PLXNA2: variants seen among roughly 807,000 people sequenced by gnomAD.
PLXNA2 encodes the protein plexin-A2.
A neutral mutation model predicts 193.5 loss-of-function variants in PLXNA2; 91 were observed. That is an observed-to-expected ratio of 0.47 (90% CI 0.40 to 0.56). PLXNA2 has a LOEUF of 0.56. Ranked by LOEUF, PLXNA2 falls within the 20% of genes least tolerant of loss-of-function variation. The probability of loss-of-function intolerance (pLI) is 0.00; values close to 1 mark genes in which losing one functional copy is unlikely to be tolerated. For synonymous variants in PLXNA2, 997 were observed against 1,027.3 expected (o/e 0.97, Z 0.56); for missense variants, 1,995 against 2,503.2 (o/e 0.80, Z 4.33).
At chr1:208,099,316 T>C (rs1030413998) in intron 5 of PLXNA2, among the ~76,000 whole-genome samples, 1 of 152,190 alleles carries the variant, frequency 6.6e-6, no homozygotes, top group African/African-American at 2.4e-5. Context: ...AAAATGAAAG[T>C]TCACTCCACA....
intron 26 of PLXNA2, among the ~76,000 whole-genome samples, chr1:208,034,914 A>G (rs1472923783): frequency 3.3e-5 from 5 of 152,248 alleles, no homozygotes; most frequent in Non-Finnish European, 7.3e-5. Flanking sequence ...ATGAATACAA[A>G]TATAAACTAT....
intron 1 of PLXNA2, among the ~76,000 whole-genome samples, chr1:208,226,469 G>A (rs1184561171): frequency 6.6e-6 from 1 of 152,124 alleles, no homozygotes; most frequent in Non-Finnish European, 1.5e-5. Flanking sequence ...ATAAAAGTTT[G>A]GAGTTGTATC....
At chr1:208,125,804 T>C (rs1242415224) in intron 4 of PLXNA2, among the ~76,000 whole-genome samples, 3 of 152,168 alleles carry the variant, frequency 2.0e-5, no homozygotes, top group Non-Finnish European at 4.4e-5. Context: ...GCTTCCAACC[T>C]GCATCCGCTC....
chr1:208,049,791 T>C (rs912673271), intron 17 of PLXNA2, among the ~76,000 whole-genome samples: 35 of 152,226 alleles, frequency 2.3e-4, no homozygotes, highest in Non-Finnish European at 7.3e-5. Context: ...TTTGTGTATC[T>C]CTGTGTTTCT....
intron 12 of PLXNA2, among the ~76,000 whole-genome samples, chr1:208,078,382 G>C (rs943853886): frequency 1.1e-4 from 16 of 152,194 alleles, no homozygotes; most frequent in African/African-American, 3.4e-4. Context: ...GTGAGGACCA[G>C]AGTTGCTTTC....
intron 1 of PLXNA2, among the ~76,000 whole-genome samples, chr1:208,240,555 T>C (rs1672014020): frequency 6.6e-6 from 1 of 151,832 alleles, no homozygotes; most frequent in African/African-American, 2.4e-5. Context: ...AGGGTAGAAA[T>C]AGAATATTCA....
rs1335934649 is a variant in PLXNA2, at chr1:208,052,456, G to T, written c.2864C>A (p.Ser955Tyr). ...TCGGATTGGGTTGAGTGACAGCACA[G>T]AAGGGTTCTTTGGAAAGAAGCAGAG... is the stretch of plus-strand genomic sequence containing the variant. ...SHQQYTFVNP[S>Y]VLSLNPIRGP... The change falls in exon 15 of 32, where the codon TCT becomes TAT. Residue 955 changes from serine to tyrosine, a missense_variant. Physicochemically the swap from Ser to Tyr is moderately radical, Grantham distance 144. Transcript: ENST00000367033. 1 of 1,614,132 alleles carries T rather than the reference G, an allele frequency of 6.2e-7. No individual in the cohort carries two copies. Among genetic ancestry groups the T allele is most frequent in the Non-Finnish European group, 8.5e-7 (1 of 1,179,996 alleles).
chr1:208,075,070 G>A, intron 12 of PLXNA2, among the ~76,000 whole-genome samples: 1 of 152,200 alleles, frequency 6.6e-6, no homozygotes, highest in South Asian at 2.1e-4. Context: ...CAGCACTTTG[G>A]GAAGTTGAGG....
chr1:208,196,064 C>T (rs1296883566), intron 3 of PLXNA2, among the ~76,000 whole-genome samples: 2 of 151,778 alleles, frequency 1.3e-5, no homozygotes, highest in African/African-American at 2.4e-5. Context: ...CTGAAGGGGG[C>T]GAGTATAGTT....
At chr1:208,062,467 G>A (rs729765) in intron 12 of PLXNA2, among the ~76,000 whole-genome samples, 3 of 152,070 alleles carry the variant, frequency 2.0e-5, no homozygotes, top group Non-Finnish European at 4.4e-5. Context: ...CCGGTCTCTC[G>A]GCAAGTTGGC....
chr1:208,223,173 G>A (rs1341331791), intron 1 of PLXNA2, among the ~76,000 whole-genome samples: 1 of 98,454 alleles, frequency 1.0e-5, no homozygotes, highest in Non-Finnish European at 2.1e-5. Flanking sequence ...CTTCTAATGA[G>A]TAGTGCCTTT....
At chr1:208,047,539 A>T (rs1176560381) in intron 17 of PLXNA2, among the ~76,000 whole-genome samples, 1 of 151,980 alleles carries the variant, frequency 6.6e-6, no homozygotes, top group African/African-American at 2.4e-5. Flanking sequence ...GGGAAGAAAA[A>T]CCCAGACTCC....
At chr1:208,187,761 G>A (rs543991133) in intron 3 of PLXNA2, among the ~76,000 whole-genome samples, 2 of 152,264 alleles carry the variant, frequency 1.3e-5, no homozygotes, top group Middle Eastern at 6.8e-3. Context: ...ATGTACTTGC[G>A]GGATAAAACC....
In PLXNA2 at chr1:208,096,710, T is replaced by C. The variant is rs1666904419; in HGVS notation, c.1885+20A>G. Reference sequence around the variant, plus strand: ...TAGAGAAGCCCCTCATTTGTGGCTCTCATGGCAGATATTTCTTACCTTGAT... The same window carrying C: ...TAGAGAAGCCCCTCATTTGTGGCTCCCATGGCAGATATTTCTTACCTTGAT... On this transcript the variant is annotated intron_variant, in intron 7 of 31. Coordinates refer to ENST00000367033, the MANE Select transcript of PLXNA2 (RefSeq NM_025179.4). 6.2e-7 allele frequency: 1 copy of C among 1,613,424 alleles called. No homozygotes were observed. Among genetic ancestry groups the C allele is most frequent in the Non-Finnish European group, 8.5e-7 (1 of 1,179,694 alleles).
intron 3 of PLXNA2, among the ~76,000 whole-genome samples, chr1:208,194,240 T>C (rs908072219): frequency 6.6e-6 from 1 of 151,758 alleles, no homozygotes; most frequent in African/African-American, 2.4e-5. Flanking sequence ...ATGGGAAAAC[T>C]AGAAGGCTCT....
chr1:208,098,456 TCTCACACACA>T (rs1360922703), intron 6 of PLXNA2, among the ~76,000 whole-genome samples: 3 of 109,106 alleles, frequency 2.7e-5, no homozygotes, highest in Non-Finnish European at 5.8e-5. Context: ...TCTCTCTCTC[TCTCACACACA>T]CACACACACA....
intron 12 of PLXNA2, among the ~76,000 whole-genome samples, chr1:208,071,713 C>G (rs1207111836): frequency 6.6e-6 from 1 of 152,232 alleles, no homozygotes; most frequent in Non-Finnish European, 1.5e-5. Flanking sequence ...CATTATTCAT[C>G]CTGACACCAT....
At chr1:208,062,716 C>T (rs1254194836) in intron 12 of PLXNA2, among the ~76,000 whole-genome samples, 2 of 152,110 alleles carry the variant, frequency 1.3e-5, no homozygotes, top group African/African-American at 4.8e-5. Flanking sequence ...GTCAAGGGGG[C>T]TCAGAGGTGT....
chr1:208,026,770 T>C lies in PLXNA2; in HGVS notation c.*473A>G, dbSNP rs55877527. 34,393 of 152,474 alleles carry C rather than the reference T, an allele frequency of 0.23. 4,040 individuals are homozygous for C. The highest frequency in any genetic ancestry group is 0.33 in the East Asian group (1,709 of 5,176). The allele number at this position is 152,474 out of a possible 1,614,324, so 9.4% of individuals were successfully genotyped here. On this transcript the variant is annotated 3_prime_UTR_variant, in exon 32 of 32. Transcript: ENST00000367033. Reference sequence around the variant, plus strand: ...TAGGCATTATATAAAGAAGGAGGAATGGGAGAAAAGATGGAAGGGAGACAG... The same window carrying C: ...TAGGCATTATATAAAGAAGGAGGAACGGGAGAAAAGATGGAAGGGAGACAG...
Sources: gnomAD v4.1 joint callset for allele counts (sites outside exome capture counted in the v4.1 genomes callset) on GRCh38, gnomAD v4.1.1 for gene constraint, MANE v1.5 for transcripts, NCBI Gene and HGNC (gene_info 2026-07-23, HGNC 2026-07-21) for gene names.